The following ADRM1 variants were observed in gnomAD, a reference collection of about 807,000 sequenced individuals.
The protein encoded by ADRM1 is ADRM1 26S proteasome ubiquitin receptor.
ADRM1 carries 2 observed loss-of-function variants against 40.1 expected under a neutral mutation model. The ratio of observed to expected loss-of-function variants is 0.05; its 90% CI spans 0.02 to 0.16. The LOEUF (loss-of-function observed/expected upper bound fraction) is 0.16. Among genes scored for constraint, ADRM1 ranks in the 10% least tolerant of loss-of-function variants. ADRM1 has a pLI of 1.00. For missense variants in ADRM1, 467 were observed against 552.5 expected (o/e 0.85, Z 1.55); for synonymous variants, 287 against 240.4 (o/e 1.19, Z -1.79).
At position 62,308,262 on chromosome 20, in the gene ADRM1, A is replaced by G. The variant is rs2146011542; in HGVS notation, c.1014+84A>G. On this transcript the variant is annotated intron_variant, in intron 8 of 9. Coordinates refer to ENST00000253003, the MANE Select transcript of ADRM1 (RefSeq NM_007002.4). The stretch of plus-strand genomic sequence containing the variant: ...GAGGAGGCCCTGCCCCACCTTCACC[A>G]TGGCCAGTGCTTCATGTGCCTGACC... 5 of 1,539,512 alleles carry G rather than the reference A, an allele frequency of 3.2e-6. No individual in the cohort carries two copies. The South Asian group carries it at 3.6e-5, about 11-fold the overall frequency.
In ADRM1 at chr20:62,307,991, C is replaced by T. The variant is rs144492860; in HGVS notation, c.857-30C>T. 7.0e-5 allele frequency: 111 copies of T among 1,596,994 alleles called. No homozygotes were observed. The East Asian group carries it at 2.0e-3, about 29-fold the overall frequency. Reference sequence around the variant, plus strand: ...TCCATGTGGGCACTTAGGCTGTCATCGAGCTGATGGCCGTGTTCTTGTGCC... The same window carrying T: ...TCCATGTGGGCACTTAGGCTGTCATTGAGCTGATGGCCGTGTTCTTGTGCC... On this transcript the variant is annotated intron_variant, in intron 7 of 9. Transcript: ENST00000253003.
In ADRM1 at chr20:62,304,654, A is replaced by G. The variant is rs893664647; in HGVS notation, c.330+77A>G. The G allele has an allele frequency of 6.3e-6, 9 of 1,434,680 alleles. No homozygotes were observed. The African/African-American group carries it at 7.0e-5, about 11-fold the overall frequency. 88.9% of individuals were successfully genotyped at this position (1,434,680 alleles called of 1,614,324 possible). A position where few individuals can be genotyped will look rare whatever the true frequency, so the allele number is the denominator to read the frequency against. ...AGGAACTTGCTTACAGTGTGGTGCA[A>G]TTGGCTTTTATAAACCAGCAGGCGC... is the stretch of plus-strand genomic sequence containing the variant. On this transcript the variant is annotated intron_variant, in intron 3 of 9. Transcript: ENST00000253003.
intron 3 of ADRM1, among the ~76,000 whole-genome samples, chr20:62,304,891 C>T (rs986958334): frequency 6.6e-6 from 1 of 152,228 alleles, no homozygotes; most frequent in Non-Finnish European, 1.5e-5. Context: ...GTCACTGAGG[C>T]CCCCACAGCA....
intron 3 of ADRM1, among the ~76,000 whole-genome samples, chr20:62,304,825 C>T (rs998125971): frequency 6.6e-6 from 1 of 152,248 alleles, no homozygotes; most frequent in African/African-American, 2.4e-5. Context: ...GGCAGACAGA[C>T]ATGCTGGCCC....
At chr20:62,307,533 C>T (rs796516465) in intron 6 of ADRM1, 63 bp from the exon 7 acceptor site, 3 of 1,599,048 alleles carry the variant, frequency 1.9e-6, no homozygotes, top group East Asian at 2.2e-5. Flanking sequence ...GCACCCTGGA[C>T]CCTGCGAGTA....
chr20:62,305,073 C>G (rs1289008733), intron 3 of ADRM1, among the ~76,000 whole-genome samples: 1 of 152,236 alleles, frequency 6.6e-6, no homozygotes, highest in Non-Finnish European at 1.5e-5. Flanking sequence ...GGTCTAGAGG[C>G]CGCTGCTCAT....
Position 62,307,634 on chromosome 20 carries a change from C to T in ADRM1, c.662C>T (p.Thr221Ile), listed in dbSNP as rs748030738. Residue 221 changes from threonine (T) to isoleucine (I), a missense_variant, in exon 7 of 10, where the codon ACC (threonine) becomes ATC (isoleucine). Coordinates refer to ENST00000253003, the MANE Select transcript of ADRM1 (RefSeq NM_007002.4). ...SQSAAVTPSSTTSSTRATPAP... is the reference protein window; with the variant it reads ...SQSAAVTPSSITSSTRATPAP... Reference sequence around the variant, plus strand: ...TCGGCAGCGGTCACCCCGTCATCCACCACCTCTTCCACCCGTGCCACCCCA... The same window carrying T: ...TCGGCAGCGGTCACCCCGTCATCCATCACCTCTTCCACCCGTGCCACCCCA... 2.5e-6 allele frequency: 4 copies of T among 1,612,028 alleles called. No homozygotes were observed. Among genetic ancestry groups the T allele is most frequent in the Non-Finnish European group, 1.7e-6 (2 of 1,179,906 alleles).
intron 3 of ADRM1, 25 bp from the exon 4 acceptor site, chr20:62,306,171 GC>G (rs779571285): frequency 2.7e-5 from 43 of 1,599,678 alleles, no homozygotes; most frequent in Admixed American, 6.7e-5. Flanking sequence ...GCCAGCTCCT[GC>G]CCTTACATGC....
chr20:62,308,344 G>A (rs572816311), intron 8 of ADRM1, 24 bp from the exon 9 acceptor site: 8 of 1,578,852 alleles, frequency 5.1e-6, no homozygotes, highest in Non-Finnish European at 6.9e-6. Context: ...TTGGAGCTCA[G>A]CCCTCGCCTG....
chr20:62,307,510 G>A, intron 6 of ADRM1, 58 bp downstream of exon 6: 1 of 1,599,390 alleles, frequency 6.3e-7, no homozygotes, highest in Non-Finnish European at 8.5e-7. Flanking sequence ...GGGCAGTGGG[G>A]AATCCTGGCC....
At chr20:62,305,953 A>AGG (rs1050439851) in intron 3 of ADRM1, 8 of 506,464 alleles carry the variant, frequency 1.6e-5, no homozygotes, top group African/African-American at 1.5e-4. Context: ...AAATGGGCGG[A>AGG]GGGGGACAGG....
intron 6 of ADRM1, 43 bp downstream of exon 6, chr20:62,307,495 G>A (rs1207823375): frequency 6.2e-7 from 1 of 1,602,504 alleles, no homozygotes; most frequent in East Asian, 2.2e-5. Flanking sequence ...ACGGTGTTAA[G>A]GGAGGGGCAG....
intron 2 of ADRM1, 151 bp downstream of exon 2, chr20:62,303,932 C>T: frequency 2.7e-6 from 2 of 733,804 alleles, no homozygotes; most frequent in Non-Finnish European, 2.2e-6. Flanking sequence ...TCCTGGTTTC[C>T]GCGGTGACAG....
rs2427275 is a variant in ADRM1 at position 62,306,724 on chromosome 20, T to C, written c.531T>C (p.Leu177=). Residue 177 remains leucine (L), a synonymous_variant, in exon 5 of 10, where the codon CTT becomes CTC. Transcript: ENST00000253003. ...QLMQLIGPAG[L]GGLGGLGALT... is the part of the protein sequence containing the mutation. ...TGCAGCTCATCGGACCAGCCGGCCTTGGAGGACTGGGTAACGTGCGCCACC... is the reference window on the plus strand; with the variant it reads ...TGCAGCTCATCGGACCAGCCGGCCTCGGAGGACTGGGTAACGTGCGCCACC... The C allele has an allele frequency of 0.99, 1,597,141 of 1,607,636 alleles. 793,742 individuals are homozygous for C. The highest frequency in any genetic ancestry group is 1 in the Non-Finnish European group (1,176,399 of 1,177,158).
At chr20:62,308,589 C>A (rs1985536119) in intron 9 of ADRM1, 66 bp from the exon 10 acceptor site, 1 of 1,590,646 alleles carries the variant, frequency 6.3e-7, no homozygotes, top group African/African-American at 1.3e-5. Flanking sequence ...GCCCTTGATC[C>A]CATCGCTTTG....
In ADRM1 at chr20:62,303,700, A is replaced by G. The variant is rs949307395; in HGVS notation, c.132A>G (p.Lys44=). The change falls in exon 2 of 10, where the codon AAA becomes AAG. Residue 44 remains lysine, a synonymous_variant. Coordinates refer to ENST00000253003, the MANE Select transcript of ADRM1 (RefSeq NM_007002.4). ...KGTTVTPDKR[K]GLVYIQQTDD... ...CCACCGTGACTCCGGATAAGCGGAAAGGGCTGGTGTACATTCAGCAGACGG... is the reference window on the plus strand; with the variant it reads ...CCACCGTGACTCCGGATAAGCGGAAGGGGCTGGTGTACATTCAGCAGACGG... The G allele has an allele frequency of 1.2e-6, 2 of 1,612,326 alleles. No homozygotes were observed. Among genetic ancestry groups the G allele is most frequent in the Non-Finnish European group, 1.7e-6 (2 of 1,179,980 alleles).
Position 62,307,445 on chromosome 20 carries a change from T to C in ADRM1, c.616T>C (p.Ser206Pro). 1 of 1,609,120 alleles carries C rather than the reference T, an allele frequency of 6.2e-7. No individual in the cohort carries two copies. The highest frequency in any genetic ancestry group is 1.3e-5 in the African/African-American group (1 of 74,938). ...GSSGPPGSSS[S>P]SSSRSQSAAV... ...CAGTGGGCCTCCAGGGAGCAGCTCC[T>C]CCTCCAGGTGAGCCTCATCGCTCCT... Residue 206 changes from serine (S) to proline (P), a missense_variant, in exon 6 of 10, where the codon TCC becomes CCC. Coordinates refer to ENST00000253003, the MANE Select transcript of ADRM1 (RefSeq NM_007002.4).
chr20:62,307,473 C>T, intron 6 of ADRM1, 21 bp downstream of exon 6: 3 of 1,606,286 alleles, frequency 1.9e-6, no homozygotes, highest in Non-Finnish European at 2.5e-6. Flanking sequence ...TCGCTCCTGC[C>T]ACGCAGGTGC....
chr20:62,304,745 G>A (rs1223325577), intron 3 of ADRM1, among the ~76,000 whole-genome samples, 168 bp downstream of exon 3: 1 of 152,250 alleles, frequency 6.6e-6, no homozygotes, highest in Non-Finnish European at 1.5e-5. Context: ...ACCTGGGGCC[G>A]AGGTCCTCTC....
Sources: gnomAD v4.1 joint callset for allele counts (sites outside exome capture counted in the v4.1 genomes callset) on GRCh38, gnomAD v4.1.1 for gene constraint, MANE v1.5 for transcripts, NCBI Gene and HGNC (gene_info 2026-07-23, HGNC 2026-07-21) for gene names.